The following ZNF804A variants were observed in gnomAD, a reference collection of about 807,000 sequenced individuals.
ZNF804A encodes zinc finger protein 804A.
Under a neutral mutation model 16.5 loss-of-function variants are expected in ZNF804A, and 2 were observed. The ratio of observed to expected loss-of-function variants is 0.12; its 90% CI spans 0.05 to 0.38. ZNF804A has a LOEUF of 0.38. Ranked by LOEUF, ZNF804A falls within the 10% of genes least tolerant of loss-of-function variation. The pLI is 0.99. For synonymous variants in ZNF804A, 534 were observed against 489.6 expected (o/e 1.09, Z -1.20); for missense variants, 1,473 against 1,390.7 (o/e 1.06, Z -0.94).
chr2:184,700,498 T>A (rs1186322429), intron 1 of ZNF804A, among the ~76,000 whole-genome samples: 1 of 152,012 alleles, frequency 6.6e-6, no homozygotes, highest in Non-Finnish European at 1.5e-5. Context: ...AAGAAATGAT[T>A]GCGAGTAGAA....
chr2:184,768,151 A>G (rs1207013929), intron 1 of ZNF804A, among the ~76,000 whole-genome samples: 1 of 152,106 alleles, frequency 6.6e-6, no homozygotes, highest in Non-Finnish European at 1.5e-5. Context: ...AAAGCAATAC[A>G]GGAAAACAAC....
At chr2:184,661,697 C>T (rs1312128641) in intron 1 of ZNF804A, among the ~76,000 whole-genome samples, 4 of 152,120 alleles carry the variant, frequency 2.6e-5, no homozygotes, top group Non-Finnish European at 4.4e-5. Flanking sequence ...TGGACTCTAC[C>T]GGAACCAGCA....
At chr2:184,745,106 G>C (rs1693769774) in intron 1 of ZNF804A, among the ~76,000 whole-genome samples, 1 of 151,742 alleles carries the variant, frequency 6.6e-6, no homozygotes, top group African/African-American at 2.4e-5. Flanking sequence ...TGTGCCTGCT[G>C]CATAAAAACA....
rs75909652 is a variant in ZNF804A, at chr2:184,843,028, T to A, written c.112-23341T>A. On this transcript the variant is annotated intron_variant, in intron 1 of 3. Transcript: ENST00000302277. ...ACTTAAAACCCCTGCTTTGGGTTAG[T>A]TCAGTCAGAATAGCAGATGCTCTTG... Among the ~76,000 whole-genome samples, 9 of 152,206 alleles carry A rather than the reference T, an allele frequency of 5.9e-5. No homozygotes were observed. In the East Asian group the frequency reaches 1.6e-3, roughly 26 times the overall value.
At chr2:184,672,245 G>T (rs1692349073) in intron 1 of ZNF804A, among the ~76,000 whole-genome samples, 1 of 152,096 alleles carries the variant, frequency 6.6e-6, no homozygotes, top group South Asian at 2.1e-4. Context: ...TATGCTCTAT[G>T]GTCCTAACAG....
intron 1 of ZNF804A, among the ~76,000 whole-genome samples, chr2:184,724,773 T>C (rs557935233): frequency 9.2e-5 from 14 of 151,820 alleles, no homozygotes; most frequent in Admixed American, 4.6e-4. Context: ...GGGAAATGTA[T>C]GCCTATTGCA....
At chr2:184,779,812 G>T (rs1694346656) in intron 1 of ZNF804A, among the ~76,000 whole-genome samples, 1 of 151,668 alleles carries the variant, frequency 6.6e-6, no homozygotes, top group Admixed American at 6.6e-5. Flanking sequence ...GATACATTTT[G>T]AACTTCTGAC....
intron 1 of ZNF804A, among the ~76,000 whole-genome samples, chr2:184,749,875 T>C (rs1693852721): frequency 6.6e-6 from 1 of 151,314 alleles, no homozygotes; most frequent in African/African-American, 2.4e-5. Context: ...TTGATTACTT[T>C]AATACTAACT....
intron 1 of ZNF804A, among the ~76,000 whole-genome samples, chr2:184,650,025 C>G (rs1208412007): frequency 6.6e-6 from 1 of 152,000 alleles, no homozygotes; most frequent in African/African-American, 2.4e-5. Flanking sequence ...AAACTGTAGG[C>G]CATTATCGCT....
At chr2:184,883,432 G>T (rs1684839670) in intron 2 of ZNF804A, among the ~76,000 whole-genome samples, 1 of 152,042 alleles carries the variant, frequency 6.6e-6, no homozygotes, top group African/African-American at 2.4e-5. Context: ...TATGAGGCCA[G>T]CATCATCTTG....
intron 1 of ZNF804A, among the ~76,000 whole-genome samples, chr2:184,657,358 A>T (rs1390735557): frequency 6.6e-6 from 1 of 152,164 alleles, no homozygotes; most frequent in Non-Finnish European, 1.5e-5. Context: ...TAGTGCCAAG[A>T]TTATAGACTT....
At chr2:184,750,946 T>A (rs1348739742) in intron 1 of ZNF804A, among the ~76,000 whole-genome samples, 5 of 151,404 alleles carry the variant, frequency 3.3e-5, no homozygotes, top group African/African-American at 1.2e-4. Context: ...TGTTTCTATA[T>A]CTGGCTTATT....
chr2:184,748,335 T>A (rs1693825586), intron 1 of ZNF804A, among the ~76,000 whole-genome samples: 1 of 151,374 alleles, frequency 6.6e-6, no homozygotes, highest in Non-Finnish European at 1.5e-5. Context: ...TGGCATGAGA[T>A]GGTTTCTCAT....
chr2:184,796,524 T>C (rs763153114), intron 1 of ZNF804A, among the ~76,000 whole-genome samples: 1 of 151,988 alleles, frequency 6.6e-6, no homozygotes, highest in Non-Finnish European at 1.5e-5. Flanking sequence ...AAAGTGTTCA[T>C]AGTGGCCTTG....
chr2:184,691,460 TA>T (rs1692723338), intron 1 of ZNF804A, among the ~76,000 whole-genome samples: 1 of 147,458 alleles, frequency 6.8e-6, no homozygotes, highest in African/African-American at 2.7e-5. Context: ...AACTTGATTT[TA>T]TTTACTATTT....
intron 1 of ZNF804A, among the ~76,000 whole-genome samples, chr2:184,657,919 TG>T (rs2105704399): frequency 6.6e-6 from 1 of 152,306 alleles, no homozygotes; most frequent in African/African-American, 2.4e-5. Flanking sequence ...AGGAAAGCAA[TG>T]GAACAACAAG....
At chr2:184,727,491 A>C (rs1187952756) in intron 1 of ZNF804A, among the ~76,000 whole-genome samples, 2 of 151,556 alleles carry the variant, frequency 1.3e-5, no homozygotes, top group Non-Finnish European at 3.0e-5. Context: ...TTTTCTACTA[A>C]CTCATGATGC....
At chr2:184,604,699 A>G (rs1000379907) in intron 1 of ZNF804A, among the ~76,000 whole-genome samples, 1 of 152,134 alleles carries the variant, frequency 6.6e-6, no homozygotes. Flanking sequence ...TACTTAGGTT[A>G]CTTTCCTGAC....
At chr2:184,622,779 A>G (rs541869626) in intron 1 of ZNF804A, among the ~76,000 whole-genome samples, 39 of 152,120 alleles carry the variant, frequency 2.6e-4, no homozygotes, top group African/African-American at 8.9e-4. Flanking sequence ...ATTTAAGTAA[A>G]TTAGCCTGAA....
Sources: allele counts gnomAD v4.1 joint callset (sites outside exome capture counted in the v4.1 genomes callset), GRCh38; gene constraint gnomAD v4.1.1; transcripts MANE v1.5; gene names NCBI Gene and HGNC (gene_info 2026-07-23, HGNC 2026-07-21).